The following NCAPG2 variants were observed in gnomAD, a reference collection of about 807,000 sequenced individuals.
NCAPG2 encodes the protein condensin-2 complex subunit G2.
NCAPG2 carries 53 observed loss-of-function variants against 141.1 expected under a neutral mutation model. That is an observed-to-expected ratio of 0.38 (90% CI 0.30 to 0.47). The LOEUF is 0.47. NCAPG2 is among the 20% of genes least tolerant of loss of function. The probability of loss-of-function intolerance (pLI) is 0.99; values close to 1 mark genes in which losing one functional copy is unlikely to be tolerated. For missense variants in NCAPG2, 1,087 were observed against 1,389.0 expected (o/e 0.78, Z 3.46); for synonymous variants, 499 against 490.7 (o/e 1.02, Z -0.22).
chr7:158,656,180 G>A (rs1831957796), intron 19 of NCAPG2, 80 bp downstream of exon 19: 3 of 1,498,952 alleles, frequency 2.0e-6, no homozygotes, highest in Middle Eastern at 2.1e-4. Context: ...GTATAGCACT[G>A]TAAATATGAA....
chr7:158,675,344 G>T, intron 12 of NCAPG2, 133 bp downstream of exon 12: 2 of 980,820 alleles, frequency 2.0e-6, no homozygotes, highest in Non-Finnish European at 2.8e-6. Context: ...ACCTTACTTT[G>T]GATATATGAC....
Position 158,666,631 on chromosome 7 carries a change from G to C in NCAPG2, c.1480-1881C>G. Among the ~76,000 whole-genome samples, 2 of 151,514 alleles carry C rather than the reference G, an allele frequency of 1.3e-5. 1 individual carries two copies. Among genetic ancestry groups the C allele is most frequent in the East Asian group, 3.9e-4 (2 of 5,178 alleles). ...CGGGCCACACACTGCTGAAGAAATA[G>C]AAGTAGACTTATTGGCTGGGCACAG... is the stretch of plus-strand genomic sequence containing the variant. On this transcript the variant is annotated intron_variant, in intron 13 of 27. Coordinates refer to ENST00000356309, the MANE Select transcript of NCAPG2 (RefSeq NM_017760.7).
chr7:158,655,036 AC>A (rs1831802734), intron 21 of NCAPG2, 81 bp downstream of exon 21: 2 of 1,450,516 alleles, frequency 1.4e-6, no homozygotes, highest in Admixed American at 2.3e-5. Flanking sequence ...GTCTAAAATT[AC>A]CACTCTAAAG....
intron 11 of NCAPG2, among the ~76,000 whole-genome samples, chr7:158,679,753 GA>G (rs34838048): frequency 2.6e-5 from 4 of 152,190 alleles, no homozygotes; most frequent in Non-Finnish European, 5.9e-5. Flanking sequence ...CCCAAAAGTA[GA>G]AAAAGACACC....
chr7:158,696,472 T>C (rs1050100616), intron 2 of NCAPG2: 1 of 152,248 alleles, frequency 6.6e-6, no homozygotes, highest in Non-Finnish European at 1.5e-5. Context: ...AATGTGATTA[T>C]ATAACAGAAT....
intron 2 of NCAPG2, among the ~76,000 whole-genome samples, chr7:158,695,870 A>G (rs907316230): frequency 2.0e-5 from 3 of 152,252 alleles, no homozygotes; most frequent in Admixed American, 6.5e-5. Flanking sequence ...GAAGCTGTGC[A>G]GCCCTGTGCT....
At chr7:158,666,553 T>C (rs916481255) in intron 13 of NCAPG2, among the ~76,000 whole-genome samples, 3 of 151,274 alleles carry the variant, frequency 2.0e-5, no homozygotes, top group Admixed American at 6.6e-5. Flanking sequence ...CACTTTTATC[T>C]AGTCTGCCAC....
chr7:158,642,935 C>T (rs1459033190), intron 27 of NCAPG2, among the ~76,000 whole-genome samples: 2 of 151,972 alleles, frequency 1.3e-5, no homozygotes, highest in East Asian at 3.9e-4. Context: ...CCACCACACC[C>T]GGCTAATTAT....
At chr7:158,681,616 T>C (rs1329494415) in intron 9 of NCAPG2, among the ~76,000 whole-genome samples, 3 of 152,204 alleles carry the variant, frequency 2.0e-5, no homozygotes, top group African/African-American at 7.2e-5. Flanking sequence ...TTTTTTCTGA[T>C]TATTATTTTG....
intron 27 of NCAPG2, among the ~76,000 whole-genome samples, chr7:158,637,246 A>C (rs1315687949): frequency 6.6e-6 from 1 of 152,212 alleles, no homozygotes; most frequent in Non-Finnish European, 1.5e-5. Context: ...ATAAAGTTGC[A>C]AAGTCTAACC....
At chr7:158,666,725 G>A (rs1418601821) in intron 13 of NCAPG2, among the ~76,000 whole-genome samples, 2 of 151,642 alleles carry the variant, frequency 1.3e-5, no homozygotes, top group African/African-American at 2.4e-5. Flanking sequence ...CCAGGATTTT[G>A]ACGCCACCCT....
Position 158,656,289 on chromosome 7 carries a change from G to A in NCAPG2, c.2359C>T (p.His787Tyr), listed in dbSNP as rs774103332. Reference protein sequence around the residue: ...LLSAPRKKLNHLLKALETSKA... With the variant: ...LLSAPRKKLNYLLKALETSKA... ...GACGTTTCAAGGGCTTTCAAAAGAT[G>A]GTTAAGTTTCTTCCGAGGAGCAGAG... The change falls in exon 19 of 28, where the codon CAT becomes TAT. Residue 787 changes from histidine (H) to tyrosine (Y), a missense_variant. His to Tyr is a moderately conservative substitution (Grantham distance 83). Coordinates refer to ENST00000356309, the MANE Select transcript of NCAPG2 (RefSeq NM_017760.7). 1 of 1,614,172 alleles carries A rather than the reference G, an allele frequency of 6.2e-7. No homozygotes were observed. Among genetic ancestry groups the A allele is most frequent in the Non-Finnish European group, 8.5e-7 (1 of 1,180,022 alleles).
chr7:158,695,726 C>A, intron 2 of NCAPG2, among the ~76,000 whole-genome samples: 1 of 152,174 alleles, frequency 6.6e-6, no homozygotes, highest in East Asian at 2.0e-4. Context: ...GCAGTGACGG[C>A]CCAGGCCTCT....
intron 8 of NCAPG2, among the ~76,000 whole-genome samples, chr7:158,684,593 G>C (rs917622320): frequency 2.0e-5 from 3 of 152,254 alleles, no homozygotes; most frequent in African/African-American, 4.8e-5. Context: ...ATGTAGAAAT[G>C]AAATGTCAGG....
At chr7:158,677,996 T>C (rs111527250) in intron 11 of NCAPG2, among the ~76,000 whole-genome samples, 97 of 151,820 alleles carry the variant, frequency 6.4e-4, no homozygotes, top group African/African-American at 2.2e-3. Context: ...TTAATTGGTA[T>C]AGATGGGGTT....
intron 24 of NCAPG2, among the ~76,000 whole-genome samples, chr7:158,648,567 C>G (rs199830743): frequency 0.041 from 3,702 of 90,550 alleles, 142 homozygotes; most frequent in East Asian, 0.11. Flanking sequence ...GACAACCACG[C>G]CAAATGGACG....
chr7:158,681,799 G>C (rs1050362693), intron 9 of NCAPG2, among the ~76,000 whole-genome samples: 6 of 152,192 alleles, frequency 3.9e-5, no homozygotes, highest in African/African-American at 1.4e-4. Flanking sequence ...CAATTCAGTG[G>C]CTTTCAGTAT....
intron 13 of NCAPG2, among the ~76,000 whole-genome samples, chr7:158,666,760 C>T (rs568079413): frequency 9.8e-4 from 146 of 149,656 alleles, no homozygotes; most frequent in Non-Finnish European, 1.9e-3. Flanking sequence ...AACCCTGTCT[C>T]AAAAAAAAAT....
intron 17 of NCAPG2, among the ~76,000 whole-genome samples, chr7:158,657,963 T>A (rs1035115164): frequency 6.6e-6 from 1 of 151,636 alleles, no homozygotes; most frequent in Non-Finnish European, 1.5e-5. Context: ...AGCATGCTCG[T>A]TAAGAGTCAT....
Sources: gnomAD v4.1 joint callset for allele counts (sites outside exome capture counted in the v4.1 genomes callset) on GRCh38, gnomAD v4.1.1 for gene constraint, MANE v1.5 for transcripts, NCBI Gene and HGNC (gene_info 2026-07-23, HGNC 2026-07-21) for gene names.